Variants in ACVR2B observed in about 807,000 individuals in gnomAD.
ACVR2B encodes the protein activin A receptor type 2B, also known as activin receptor type-2B.
ACVR2B carries 18 observed loss-of-function variants against 65.1 expected under a neutral mutation model. The ratio of observed to expected loss-of-function variants is 0.28; its 90% CI spans 0.19 to 0.41. ACVR2B has a LOEUF of 0.41. Ranked by LOEUF, ACVR2B falls within the 10% of genes least tolerant of loss-of-function variation. ACVR2B has a pLI of 1.00. For synonymous variants in ACVR2B, 298 were observed against 277.7 expected, an observed-to-expected ratio of 1.07 and a Z score of -0.73; for missense variants, 482 against 682.7, an observed-to-expected ratio of 0.71 and a Z score of 3.28.
chr3:38,465,849 C>G (rs1423998777), intron 1 of ACVR2B, among the ~76,000 whole-genome samples: 3 of 152,164 alleles, frequency 2.0e-5, no homozygotes, highest in African/African-American at 7.2e-5. Flanking sequence ...TTTGAAAAAT[C>G]CACATCTATT....
rs946077181 is a variant in ACVR2B, at chr3:38,490,791, T to G, written c.*7459T>G. The G allele has an allele frequency of 6.6e-6, 1 of 152,640 alleles. No homozygotes were observed. Among genetic ancestry groups the G allele is most frequent in the Non-Finnish European group, 1.5e-5 (1 of 68,054 alleles). 9.5% of individuals were successfully genotyped at this position (152,640 alleles called of 1,614,324 possible). ...ACCCTGCTGAGCGTGGGCACTTGTTTTAAAGCAAAACTCTTCCCAAGGACT... is the reference window on the plus strand; with the variant it reads ...ACCCTGCTGAGCGTGGGCACTTGTTGTAAAGCAAAACTCTTCCCAAGGACT... On this transcript the variant is annotated 3_prime_UTR_variant, in exon 11 of 11. Coordinates refer to ENST00000352511, the MANE Select transcript of ACVR2B (RefSeq NM_001106.4).
At chr3:38,455,043 C>T (rs1363838419) in intron 1 of ACVR2B, among the ~76,000 whole-genome samples, 2 of 152,276 alleles carry the variant, frequency 1.3e-5, no homozygotes, top group South Asian at 4.1e-4. Context: ...CAACAGGTCC[C>T]TCTTCCTTCG....
intron 5 of ACVR2B, among the ~76,000 whole-genome samples, chr3:38,478,719 G>GGTA (rs1709959785): frequency 6.6e-6 from 1 of 152,120 alleles, no homozygotes; most frequent in Non-Finnish European, 1.5e-5. Flanking sequence ...ATAGGACTAG[G>GGTA]GTAGGGCTTT....
Position 38,492,808 on chromosome 3 carries a change from A to ACC in ACVR2B, c.*9477_*9478dup, listed in dbSNP as rs1559663052. The ACC allele has an allele frequency of 3.7e-5, 5 of 135,226 alleles. No individual in the cohort carries two copies. The highest frequency in any genetic ancestry group is 3.1e-5 in the Non-Finnish European group (2 of 63,622). The allele number at this position is 135,226 out of a possible 1,614,324, so 8.4% of individuals were successfully genotyped here. A position where few individuals can be genotyped will look rare whatever the true frequency, so the allele number is the denominator to read the frequency against. On this transcript the variant is annotated 3_prime_UTR_variant, in exon 11 of 11. Coordinates refer to ENST00000352511, the MANE Select transcript of ACVR2B (RefSeq NM_001106.4). The stretch of plus-strand genomic sequence containing the variant: ...CACACACACACACACACACACATAC[A>ACC]CCTAAAATGGCCTAAAGCAGACATC...
chr3:38,459,095 C>G (rs1212812235), intron 1 of ACVR2B, among the ~76,000 whole-genome samples: 1 of 152,156 alleles, frequency 6.6e-6, no homozygotes, highest in Admixed American at 6.5e-5. Flanking sequence ...CTCACGCTTT[C>G]AAAGAGGTCT....
chr3:38,454,739 T>G, intron 1 of ACVR2B: 3 of 186,234 alleles, frequency 1.6e-5, no homozygotes, highest in East Asian at 1.2e-4. Context: ...CAGATCTCAT[T>G]GGGGGTGGCA....
chr3:38,454,261 C>T lies in ACVR2B; in HGVS notation c.-62C>T. On this transcript the variant is annotated 5_prime_UTR_variant, in exon 1 of 11. Transcript: ENST00000352511. The stretch of plus-strand genomic sequence containing the variant: ...CAGCCGCCGCCTGGCCCTGCGCGCC[C>T]CGGGAGCGCCGTGCGGCCCTGCCCG... 1 of 1,181,194 alleles carries T rather than the reference C, an allele frequency of 8.5e-7. No individual in the cohort carries two copies. The highest frequency in any genetic ancestry group is 1.0e-6 in the Non-Finnish European group (1 of 952,700). 73.2% of individuals were successfully genotyped at this position (1,181,194 alleles called of 1,614,324 possible). A position where few individuals can be genotyped will look rare whatever the true frequency, so the allele number is the denominator to read the frequency against.
chr3:38,483,203 C>G lies in ACVR2B; in HGVS notation c.1410C>G (p.Ser470=). ...ACCATGATGCAGAGGCTCGCTTGTC[C>G]GCGGGCTGTGTGGAGGAGCGGGTGT... is the stretch of plus-strand genomic sequence containing the variant. The part of the protein sequence containing the change: ...CWDHDAEARL[S]AGCVEERVSL... The change falls in exon 11 of 11, where the codon TCC becomes TCG. Residue 470 remains serine (S), a synonymous_variant. Transcript: ENST00000352511. This position sits in a 1 kb window ranked among gnomAD's most constrained non-coding sequence, Gnocchi z 4.8. 6.2e-7 allele frequency: 1 copy of G among 1,614,096 alleles called. No individual in the cohort carries two copies. Among genetic ancestry groups the G allele is most frequent in the East Asian group, 2.2e-5 (1 of 44,872 alleles).
At chr3:38,463,103 CTG>C (rs1377292524) in intron 1 of ACVR2B, among the ~76,000 whole-genome samples, 1 of 152,158 alleles carries the variant, frequency 6.6e-6, no homozygotes, top group Non-Finnish European at 1.5e-5. Flanking sequence ...CCTCTCGTGC[CTG>C]TGTCTCCTAC....
intron 1 of ACVR2B, 39 bp downstream of exon 1, chr3:38,454,413 C>G (rs2125710364): frequency 8.1e-7 from 1 of 1,241,854 alleles, no homozygotes; most frequent in Admixed American, 4.3e-5. Context: ...CGAGAGGGCG[C>G]GCGGGGCTGG....
At position 38,477,403 on chromosome 3, in the gene ACVR2B, C is replaced by A. The variant is rs1283033270; in HGVS notation, c.169C>A (p.Leu57Met). ...CTGCGAAGGCGAGCAGGACAAGCGG[C>A]TGCACTGCTACGCCTCCTGGCGCAA... ...ERCEGEQDKR[L>M]HCYASWRNSS... The change falls in exon 2 of 11, where the codon CTG (leucine) becomes ATG (methionine). Residue 57 changes from leucine to methionine, a missense_variant. By Grantham distance (15) the Leu-to-Met change is conservative. Around this residue, in one of 5 missense-constraint regions of ACVR2B, gnomAD observed 85 missense variants for 137.3 expected, o/e 0.62. Transcript: ENST00000352511. This position sits in a 1 kb window ranked among gnomAD's most constrained non-coding sequence, Gnocchi z 6.7. 6.2e-7 allele frequency: 1 copy of A among 1,614,178 alleles called. No homozygotes were observed. The highest frequency in any genetic ancestry group is 1.1e-5 in the South Asian group (1 of 91,086).
In ACVR2B at chr3:38,485,257, A is replaced by G. The variant is rs1380621163; in HGVS notation, c.*1925A>G. On this transcript the variant is annotated 3_prime_UTR_variant, in exon 11 of 11. Transcript: ENST00000352511. ...TCAGAATGACAAGTAACCCCGCTTA[A>G]ACTTGGTAGAAGGATGGCCCTTAGA... The G allele has an allele frequency of 3.9e-5, 6 of 152,174 alleles. No individual in the cohort carries two copies. Among genetic ancestry groups the G allele is most frequent in the Admixed American group, 3.9e-4 (6 of 15,282 alleles). 9.4% of individuals were successfully genotyped at this position (152,174 alleles called of 1,614,324 possible). A position where few individuals can be genotyped will look rare whatever the true frequency, so the allele number is the denominator to read the frequency against.
At position 38,486,582 on chromosome 3, in the gene ACVR2B, G is replaced by T. The variant is rs1462174264; in HGVS notation, c.*3250G>T. ...AGATAATTGGTTTCTTTTTGTTTTT[G>T]ACCTCAGGCTCTGTGGCAGACTGGG... On this transcript the variant is annotated 3_prime_UTR_variant, in exon 11 of 11. Transcript: ENST00000352511. The T allele has an allele frequency of 2.6e-5, 4 of 151,992 alleles. No individual in the cohort carries two copies. The highest frequency in any genetic ancestry group is 2.0e-4 in the Admixed American group (3 of 15,256). The allele number at this position is 151,992 out of a possible 1,614,324, so 9.4% of individuals were successfully genotyped here. A position where few individuals can be genotyped will look rare whatever the true frequency, so the allele number is the denominator to read the frequency against.
chr3:38,482,080 C>A, intron 8 of ACVR2B, 118 bp from the exon 9 acceptor site: 1 of 1,330,244 alleles, frequency 7.5e-7, no homozygotes, highest in Non-Finnish European at 1.1e-6. Flanking sequence ...CATTGATAAC[C>A]TGTCTGAATT....
At position 38,477,211 on chromosome 3, in the gene ACVR2B, A is replaced by G; in HGVS notation, c.53-76A>G. On this transcript the variant is annotated intron_variant, in intron 1 of 10. Coordinates refer to ENST00000352511, the MANE Select transcript of ACVR2B (RefSeq NM_001106.4). The surrounding 1 kb of genome is among the most constrained non-coding windows in gnomAD (Gnocchi z 6.7). ...CCTCCCTCCCTCAGGGTGGCCTGGC[A>G]CCCAGGACTGGGAGTAGGGGTTTGG... The G allele has an allele frequency of 1.3e-6, 2 of 1,566,708 alleles. No individual in the cohort carries two copies. The highest frequency in any genetic ancestry group is 1.7e-6 in the Non-Finnish European group (2 of 1,146,968).
chr3:38,474,654 GTTATTTCCTCT>G (rs1709876471), intron 1 of ACVR2B: 1 of 152,190 alleles, frequency 6.6e-6, no homozygotes. Context: ...TGTTCATTGT[GTTATTTCCTCT>G]TGAGATTATT....
intron 1 of ACVR2B, among the ~76,000 whole-genome samples, chr3:38,462,060 G>A (rs377160127): frequency 3.5e-4 from 53 of 152,178 alleles, no homozygotes; most frequent in African/African-American, 1.2e-3. Context: ...CCGGCGTGGT[G>A]GTGGGTCCCT....
rs115298793 is a variant in ACVR2B at position 38,483,726 on chromosome 3, G to A, written c.*394G>A. 417 of 157,172 alleles carry A rather than the reference G, an allele frequency of 2.7e-3. 2 individuals are homozygous for A. The highest frequency in any genetic ancestry group is 9.5e-3 in the African/African-American group (394 of 41,552). The allele number at this position is 157,172 out of a possible 1,614,324, so 9.7% of individuals were successfully genotyped here. ...CAAAGAAACCCATCTCCTGTCTTAG[G>A]AAACCTAATGCTGCAAACTCTACCT... On this transcript the variant is annotated 3_prime_UTR_variant, in exon 11 of 11. Coordinates refer to ENST00000352511, the MANE Select transcript of ACVR2B (RefSeq NM_001106.4). This position sits in a 1 kb window ranked among gnomAD's most constrained non-coding sequence, Gnocchi z 4.8.
Position 38,457,814 on chromosome 3 carries a change from G to A in ACVR2B, c.52+3440G>A, listed in dbSNP as rs141819672. 4.7e-4 allele frequency among the ~76,000 whole-genome samples: 71 copies of A among 152,278 alleles called. No homozygotes were observed. The East Asian group carries it at 0.012, about 25-fold the overall frequency. The stretch of plus-strand genomic sequence containing the variant: ...CTTGGCCACTTCCTTGGGGGAGGGC[G>A]GAGGGAGTGAGCTCATGAAGTGAAG... On this transcript the variant is annotated intron_variant, in intron 1 of 10. Coordinates refer to ENST00000352511, the MANE Select transcript of ACVR2B (RefSeq NM_001106.4).
Sources: allele counts gnomAD v4.1 joint callset (sites outside exome capture counted in the v4.1 genomes callset), GRCh38; gene constraint gnomAD v4.1.1; regional missense constraint gnomAD v4.1.1; non-coding constraint Gnocchi (gnomAD v3.1); transcripts MANE v1.5; gene names NCBI Gene and HGNC (gene_info 2026-07-23, HGNC 2026-07-21).